The following PTBP2 variants were observed in gnomAD, a reference collection of about 807,000 sequenced individuals.
PTBP2 encodes the protein polypyrimidine tract-binding protein 2.
Under a neutral mutation model 61.4 loss-of-function variants are expected in PTBP2, and 13 were observed. The ratio of observed to expected loss-of-function variants is 0.21; its 90% confidence interval spans 0.14 to 0.34. The LOEUF is 0.34. PTBP2 is among the 10% of genes least tolerant of loss of function. The pLI is 1.00. For missense variants in PTBP2, 405 were observed against 642.6 expected (o/e 0.63, Z 4.00); for synonymous variants, 215 against 218.5 (o/e 0.98, Z 0.14).
chr1:96,804,707 A>G (rs552863479), intron 8 of PTBP2, 93 bp from the exon 9 acceptor site: 12 of 1,295,550 alleles, frequency 9.3e-6, no homozygotes, highest in Non-Finnish European at 1.3e-5. Context: ...GCCGTAAGCC[A>G]TGCAGCCATC....
intron 11 of PTBP2, among the ~76,000 whole-genome samples, chr1:96,810,137 A>G (rs533482): frequency 0.29 from 44,350 of 151,832 alleles, 7,185 homozygotes; most frequent in East Asian, 0.46. Flanking sequence ...ATTATTCGTT[A>G]ATAATCTCTT....
intron 5 of PTBP2, among the ~76,000 whole-genome samples, chr1:96,772,938 C>T (rs1233521440): frequency 6.7e-6 from 1 of 149,374 alleles, no homozygotes; most frequent in East Asian, 2.0e-4. Flanking sequence ...CATGGTGAAA[C>T]CCTGAGTCTA....
downstream of PTBP2, chr1:96,816,365 A>G (rs910470077): frequency 5.9e-5 from 9 of 151,512 alleles, no homozygotes; most frequent in Admixed American, 2.6e-4. Flanking sequence ...TTAGTACTCT[A>G]TGACTCTTAG....
chr1:96,734,740 T>G (rs1447498731), intron 2 of PTBP2, among the ~76,000 whole-genome samples: 2 of 151,904 alleles, frequency 1.3e-5, no homozygotes, highest in African/African-American at 4.8e-5. Context: ...TTGCTCAGGG[T>G]CTCTATTTTT....
chr1:96,751,658 G>GA (rs35745353), intron 3 of PTBP2, among the ~76,000 whole-genome samples, 158 bp downstream of exon 3: 49,339 of 143,026 alleles, frequency 0.34, 8,468 homozygotes, highest in East Asian at 0.47. Flanking sequence ...GAGCCGAGTG[G>GA]AAAAAAAAAA....
intron 7 of PTBP2, among the ~76,000 whole-genome samples, chr1:96,781,882 C>T (rs902193329): frequency 2.6e-5 from 4 of 151,884 alleles, no homozygotes; most frequent in Non-Finnish European, 4.4e-5. Flanking sequence ...CACCTTAATA[C>T]CTTTCAGAAA....
intron 3 of PTBP2, among the ~76,000 whole-genome samples, chr1:96,767,634 C>T (rs1336939060): frequency 7.2e-5 from 11 of 151,996 alleles, no homozygotes; most frequent in African/African-American, 2.7e-4. Flanking sequence ...TGACTGATGC[C>T]GATTGTTGTG....
At chr1:96,743,821 T>G (rs1409243583) in intron 2 of PTBP2, among the ~76,000 whole-genome samples, 1 of 152,114 alleles carries the variant, frequency 6.6e-6, no homozygotes, top group Middle Eastern at 3.2e-3. Context: ...CTAAGCTGTT[T>G]TATTAAATGA....
intron 5 of PTBP2, among the ~76,000 whole-genome samples, chr1:96,774,818 G>C (rs190279984): frequency 2.6e-4 from 40 of 152,214 alleles, no homozygotes; most frequent in African/African-American, 9.1e-4. Flanking sequence ...CAGGCTAAAG[G>C]CCCTTTCTGA....
At chr1:96,796,198 A>G (rs77220492) in intron 8 of PTBP2, among the ~76,000 whole-genome samples, 9,515 of 151,946 alleles carry the variant, frequency 0.063, 370 homozygotes, top group Middle Eastern at 0.082. Context: ...CACACCTGCA[A>G]TCCCAGCACT....
chr1:96,807,071 G>A (rs1661562723), intron 11 of PTBP2, 113 bp downstream of exon 11: 1 of 730,906 alleles, frequency 1.4e-6, no homozygotes, highest in Non-Finnish European at 2.1e-6. Context: ...TATTTTAATG[G>A]CCAGGGCTCA....
chr1:96,743,343 G>A (rs182478487), intron 2 of PTBP2, among the ~76,000 whole-genome samples: 29 of 151,636 alleles, frequency 1.9e-4, no homozygotes, highest in Admixed American at 1.5e-3. Flanking sequence ...CATTTCATAT[G>A]TTCTTCATGT....
At chr1:96,781,194 T>G (rs1446863739) in intron 7 of PTBP2, among the ~76,000 whole-genome samples, 1 of 152,058 alleles carries the variant, frequency 6.6e-6, no homozygotes, top group Non-Finnish European at 1.5e-5. Context: ...GTAGCATTGA[T>G]GTAGTAATAA....
In PTBP2 at chr1:96,804,793, G is replaced by A. The variant is rs972384439; in HGVS notation, c.905-7G>A. The A allele has an allele frequency of 6.3e-7, 1 of 1,589,490 alleles. No individual in the cohort carries two copies. Among genetic ancestry groups the A allele is most frequent in the Admixed American group, 1.9e-5 (1 of 53,446 alleles). ...CTTTATTTTAAAATTAGGGCTTCCTGTTGCAGCTGTTCCAGGAGCTCTGAG... is the reference window on the plus strand; with the variant it reads ...CTTTATTTTAAAATTAGGGCTTCCTATTGCAGCTGTTCCAGGAGCTCTGAG... On this transcript the variant is annotated splice_polypyrimidine_tract_variant and splice_region_variant and intron_variant, in intron 8 of 13. Coordinates refer to ENST00000674951, the MANE Select transcript of PTBP2 (RefSeq NM_021190.4).
intron 7 of PTBP2, among the ~76,000 whole-genome samples, chr1:96,783,987 A>G (rs796843682): frequency 6.6e-6 from 1 of 152,264 alleles, no homozygotes; most frequent in African/African-American, 2.4e-5. Context: ...AGATTAGTCC[A>G]TAAAAAAATT....
chr1:96,733,281 T>TA (rs150500423), intron 2 of PTBP2, among the ~76,000 whole-genome samples: 2,857 of 152,262 alleles, frequency 0.019, 79 homozygotes, highest in African/African-American at 0.059. Flanking sequence ...GTTTCCCACT[T>TA]ACAGGGACCT....
rs540030160 is a variant in PTBP2, at chr1:96,794,998, T to C, written c.904+9744T>C. Among the ~76,000 whole-genome samples, 10 of 152,304 alleles carry C rather than the reference T, an allele frequency of 6.6e-5. No individual in the cohort carries two copies. In the South Asian group the frequency reaches 1.5e-3, roughly 22 times the overall value. The stretch of plus-strand genomic sequence containing the variant: ...TAATATGGGAATTCTTAAACTCCTT[T>C]ATGACTGGAAGATGAGCATCAGAGT... On this transcript the variant is annotated intron_variant, in intron 8 of 13. Transcript: ENST00000674951.
At chr1:96,766,930 A>G (rs903939144) in intron 3 of PTBP2, among the ~76,000 whole-genome samples, 3 of 152,148 alleles carry the variant, frequency 2.0e-5, no homozygotes, top group Middle Eastern at 3.2e-3. Context: ...TTTCTCTGCT[A>G]CTTCCTGTCT....
chr1:96,778,024 C>T (rs1658224180), intron 7 of PTBP2, 78 bp downstream of exon 7: 2 of 615,400 alleles, frequency 3.2e-6, no homozygotes, highest in Non-Finnish European at 5.2e-6. Flanking sequence ...TGTATGTATA[C>T]TTAATGATAT....
Sources: gnomAD v4.1 joint callset for allele counts (sites outside exome capture counted in the v4.1 genomes callset) on GRCh38, gnomAD v4.1.1 for gene constraint, MANE v1.5 for transcripts, NCBI Gene and HGNC (gene_info 2026-07-23, HGNC 2026-07-21) for gene names.